CDH12: variants seen among roughly 807,000 people sequenced by gnomAD.
The protein encoded by CDH12 is cadherin 12.
In CDH12, 41 loss-of-function variants were observed where a neutral mutation model predicts 74.1. The observed-to-expected ratio is 0.55, with a 90% CI of 0.43 to 0.72. The LOEUF (loss-of-function observed/expected upper bound fraction) is 0.72. CDH12 is among the 30% of genes least tolerant of loss of function. CDH12 has a pLI of 0.00. For missense variants in CDH12, 945 were observed against 977.2 expected, an observed-to-expected ratio of 0.97 and a Z score of 0.44; for synonymous variants, 399 against 355.0, an observed-to-expected ratio of 1.12 and a Z score of -1.39.
intron 8 of CDH12, among the ~76,000 whole-genome samples, chr5:21,820,897 C>T (rs985959953): frequency 6.6e-6 from 1 of 151,836 alleles, no homozygotes; most frequent in Non-Finnish European, 1.5e-5. Flanking sequence ...ACTACCTGTA[C>T]CACACAAATT....
At chr5:22,223,316 T>C (rs996989969) in intron 3 of CDH12, among the ~76,000 whole-genome samples, 3 of 152,018 alleles carry the variant, frequency 2.0e-5, no homozygotes, top group South Asian at 2.1e-4. Context: ...AGTTGCTCTA[T>C]AATGAGAGCT....
intron 6 of CDH12, among the ~76,000 whole-genome samples, chr5:21,891,601 A>ACACACACG: frequency 6.7e-6 from 1 of 150,336 alleles, no homozygotes; most frequent in South Asian, 2.1e-4. Context: ...ACACACACAC[A>ACACACACG]CTCTTTCTGG....
chr5:22,844,550 G>A lies in CDH12; in HGVS notation c.-523+8508C>T, dbSNP rs1737217957. Among the ~76,000 whole-genome samples, 13 of 152,156 alleles carry A rather than the reference G, an allele frequency of 8.5e-5. No homozygotes were observed. The South Asian group carries it at 2.5e-3, about 29-fold the overall frequency. On this transcript the variant is annotated intron_variant, in intron 1 of 14. Transcript: ENST00000382254. ...CACTGGATAGCTAACATCCTTTGGTGTATATATAAATATTTTAAAGAACAT... is the reference window on the plus strand; with the variant it reads ...CACTGGATAGCTAACATCCTTTGGTATATATATAAATATTTTAAAGAACAT...
At chr5:22,011,822 T>C (rs1737312811) in intron 5 of CDH12, among the ~76,000 whole-genome samples, 1 of 152,158 alleles carries the variant, frequency 6.6e-6, no homozygotes, top group East Asian at 1.9e-4. Context: ...CTCATGCTTA[T>C]ACATAACTAT....
intron 1 of CDH12, among the ~76,000 whole-genome samples, chr5:22,752,292 A>C (rs969592104): frequency 6.6e-6 from 1 of 151,984 alleles, no homozygotes; most frequent in Non-Finnish European, 1.5e-5. Flanking sequence ...AAAACCCTTA[A>C]TGTACATGTA....
intron 1 of CDH12, among the ~76,000 whole-genome samples, chr5:22,760,060 G>A (rs955251243): frequency 5.3e-5 from 8 of 152,200 alleles, no homozygotes; most frequent in Non-Finnish European, 8.8e-5. Flanking sequence ...ATATCCGGAT[G>A]TGTTTGATTA....
At position 21,990,743 on chromosome 5, in the gene CDH12, A is replaced by G. The variant is rs557003731; in HGVS notation, c.232-15358T>C. ...TACTCAGAAAAACACTATGATTACA[A>G]TCCTTCTATTAGCATTCTCATGTTG... is the stretch of plus-strand genomic sequence containing the variant. On this transcript the variant is annotated intron_variant, in intron 5 of 14. Coordinates refer to ENST00000382254, the MANE Select transcript of CDH12 (RefSeq NM_004061.5). 3.5e-3 allele frequency among the ~76,000 whole-genome samples: 531 copies of G among 151,162 alleles called. 3 individuals carry two copies. Among genetic ancestry groups the G allele is most frequent in the African/African-American group, 0.012 (496 of 41,252 alleles).
At chr5:21,880,613 T>TTTCTTTCTTTCTTTC (rs1752253159) in intron 6 of CDH12, among the ~76,000 whole-genome samples, 1 of 88,416 alleles carries the variant, frequency 1.1e-5, no homozygotes, top group African/African-American at 4.6e-5. Flanking sequence ...CCTTCCTTCC[T>TTTCTTTCTTTCTTTC]TCCTTCTTTC....
At chr5:22,049,558 T>C (rs1306493119) in intron 5 of CDH12, among the ~76,000 whole-genome samples, 1 of 152,102 alleles carries the variant, frequency 6.6e-6, no homozygotes, top group Non-Finnish European at 1.5e-5. Flanking sequence ...TGTTAATACA[T>C]CTAACTTCCT....
chr5:22,434,164 C>CTATTTTT (rs1343457498), intron 2 of CDH12, among the ~76,000 whole-genome samples: 10 of 151,852 alleles, frequency 6.6e-5, no homozygotes, highest in Non-Finnish European at 1.3e-4. Context: ...TATACAAACT[C>CTATTTTT]TATAGAGTGT....
At chr5:22,330,035 T>C (rs1224551925) in intron 3 of CDH12, among the ~76,000 whole-genome samples, 1 of 151,864 alleles carries the variant, frequency 6.6e-6, no homozygotes, top group East Asian at 1.9e-4. Context: ...GCTAAAGGAG[T>C]GCTTGCATTA....
intron 1 of CDH12, among the ~76,000 whole-genome samples, chr5:22,743,124 G>A (rs892571921): frequency 2.6e-5 from 4 of 151,420 alleles, no homozygotes; most frequent in Non-Finnish European, 4.4e-5. Flanking sequence ...TGAAACTTAC[G>A]TGAGTTCTCC....
intron 1 of CDH12, among the ~76,000 whole-genome samples, chr5:22,600,773 T>C (rs984364977): frequency 5.9e-5 from 9 of 152,066 alleles, no homozygotes; most frequent in African/African-American, 2.2e-4. Flanking sequence ...TATAATCGAA[T>C]GGAATAAGCT....
intron 3 of CDH12, among the ~76,000 whole-genome samples, chr5:22,397,546 G>A (rs915235267): frequency 2.6e-5 from 4 of 151,658 alleles, no homozygotes; most frequent in Non-Finnish European, 5.9e-5. Flanking sequence ...GCAGCAGATG[G>A]CAAGGATTGA....
chr5:21,919,670 G>C (rs895256466), intron 6 of CDH12, among the ~76,000 whole-genome samples: 20 of 152,018 alleles, frequency 1.3e-4, no homozygotes, highest in African/African-American at 4.3e-4. Flanking sequence ...CTTGATTCCC[G>C]GAGAAACGGA....
chr5:21,847,080 C>A (rs115596315), intron 7 of CDH12, among the ~76,000 whole-genome samples: 1,996 of 152,188 alleles, frequency 0.013, 40 homozygotes, highest in African/African-American at 0.045. Flanking sequence ...GGTCACAGAG[C>A]TCCTCCACTC....
At chr5:21,893,488 A>C (rs1006795001) in intron 6 of CDH12, among the ~76,000 whole-genome samples, 1 of 152,206 alleles carries the variant, frequency 6.6e-6, no homozygotes, top group Non-Finnish European at 1.5e-5. Flanking sequence ...TTTTCTTGCT[A>C]AATAGTGCAG....
At chr5:22,528,593 C>A (rs1168137003) in intron 1 of CDH12, among the ~76,000 whole-genome samples, 1 of 152,104 alleles carries the variant, frequency 6.6e-6, no homozygotes, top group Non-Finnish European at 1.5e-5. Flanking sequence ...GCTTTCAGAT[C>A]ATTTATGTGG....
intron 3 of CDH12, among the ~76,000 whole-genome samples, chr5:22,255,560 C>G (rs1753282235): frequency 6.6e-6 from 1 of 151,416 alleles, no homozygotes; most frequent in African/African-American, 2.4e-5. Context: ...ATAAAGATTA[C>G]TAGAAAAATA....
Sources: allele counts gnomAD v4.1 joint callset (sites outside exome capture counted in the v4.1 genomes callset), GRCh38; gene constraint gnomAD v4.1.1; transcripts MANE v1.5; gene names NCBI Gene and HGNC (gene_info 2026-07-23, HGNC 2026-07-21).